Variants in PLA2G4E observed in about 807,000 individuals in gnomAD.
PLA2G4E encodes cytosolic phospholipase A2 epsilon.
In PLA2G4E, 84 loss-of-function variants were observed where a neutral mutation model predicts 109.1. That is an observed-to-expected ratio of 0.77 (90% CI 0.65 to 0.92). The LOEUF is 0.92. Among genes scored for constraint, PLA2G4E ranks in the 40% least tolerant of loss-of-function variants. The probability of loss-of-function intolerance (pLI) is 0.00; values close to 1 mark genes in which losing one functional copy is unlikely to be tolerated. For missense variants in PLA2G4E, 1,057 were observed against 1,076.6 expected (o/e 0.98, Z 0.25); for synonymous variants, 469 against 436.1 (o/e 1.08, Z -0.94).
intron 2 of PLA2G4E, among the ~76,000 whole-genome samples, chr15:42,010,666 T>C (rs56979911): frequency 0.014 from 2,112 of 152,310 alleles, 57 homozygotes; most frequent in African/African-American, 0.048. Flanking sequence ...ATCATCTCTA[T>C]AGATGTTCAG....
chr15:42,023,677 C>A (rs939533475), intron 1 of PLA2G4E, among the ~76,000 whole-genome samples: 2 of 152,046 alleles, frequency 1.3e-5, no homozygotes, highest in Admixed American at 1.3e-4. Context: ...CCCACTCCCC[C>A]ACCCTTCCCA....
At chr15:42,006,594 G>A (rs2068479546) in intron 3 of PLA2G4E, among the ~76,000 whole-genome samples, 1 of 152,140 alleles carries the variant, frequency 6.6e-6, no homozygotes, top group African/African-American at 2.4e-5. Flanking sequence ...AAGCTTGTAG[G>A]GGTTCTGATA....
intron 18 of PLA2G4E, among the ~76,000 whole-genome samples, chr15:41,985,391 CCCT>C (rs1218255650): frequency 6.6e-6 from 1 of 152,160 alleles, no homozygotes; most frequent in Non-Finnish European, 1.5e-5. Context: ...CTGACAAGTG[CCCT>C]CCTCTCTCGC....
rs2068101559 is a variant in PLA2G4E, at chr15:41,984,083, C to A, written c.2387-109G>T. On this transcript the variant is annotated intron_variant, in intron 19 of 19. Coordinates refer to ENST00000399518, the Ensembl canonical transcript of PLA2G4E. ...CAACCTGCACTCACGGACACACACA[C>A]CTGCATGAAAACCTGTACACACGCA... The A allele has an allele frequency of 7.1e-6, 7 of 988,586 alleles. No homozygotes were observed. The South Asian group carries it at 7.4e-5, about 11-fold the overall frequency. 61.2% of individuals were successfully genotyped at this position (988,586 alleles called of 1,614,324 possible).
At chr15:42,038,196 A>C (rs1422748793) in intron 1 of PLA2G4E, among the ~76,000 whole-genome samples, 1 of 152,338 alleles carries the variant, frequency 6.6e-6, no homozygotes, top group South Asian at 2.1e-4. Flanking sequence ...TGTAATATCT[A>C]AGGTATTGGT....
At chr15:42,015,349 C>T (rs1436358188) in intron 1 of PLA2G4E, among the ~76,000 whole-genome samples, 2 of 152,200 alleles carry the variant, frequency 1.3e-5, no homozygotes, top group Non-Finnish European at 2.9e-5. Context: ...GCAGCGCTCT[C>T]CCAGTGCCCC....
At chr15:42,039,447 G>T (rs1050952168) in intron 1 of PLA2G4E, among the ~76,000 whole-genome samples, 4 of 152,002 alleles carry the variant, frequency 2.6e-5, no homozygotes, top group Non-Finnish European at 5.9e-5. Flanking sequence ...TGTGATACTG[G>T]TATACTGATT....
chr15:41,983,551 A>C (rs1368383791), exon 20 of PLA2G4E: 1 of 593,896 alleles, frequency 1.7e-6, no homozygotes, highest in Non-Finnish European at 3.0e-6. Flanking sequence ...GTGGGTATAA[A>C]ACCCCAACAG....
Position 41,989,575 on chromosome 15 carries a change from G to T in PLA2G4E, c.1586-23C>A. The T allele has an allele frequency of 2.5e-6, 4 of 1,607,452 alleles. No individual in the cohort carries two copies. In the South Asian group the frequency reaches 4.4e-5, roughly 18 times the overall value. On this transcript the variant is annotated intron_variant, in intron 14 of 19. Coordinates refer to ENST00000399518, the Ensembl canonical transcript of PLA2G4E. ...ACTCTGCACATGAAGCAGCAGGACG[G>T]GGGTCAGTCTCAGGCCAGGGAGCCG...
rs1280728959 is a variant in PLA2G4E, at chr15:42,013,665, G to T, written c.256+20C>A. The T allele has an allele frequency of 2.6e-6, 4 of 1,544,074 alleles. No homozygotes were observed. The highest frequency in any genetic ancestry group is 2.6e-6 in the Non-Finnish European group (3 of 1,141,642). On this transcript the variant is annotated intron_variant, in intron 2 of 19. Coordinates refer to ENST00000399518, the Ensembl canonical transcript of PLA2G4E. Reference sequence around the variant, plus strand: ...CAGATCCGGTAAGCAGAGAAGGAGAGAAGTGAGGTGGATACTCACGCATAT... The same window carrying T: ...CAGATCCGGTAAGCAGAGAAGGAGATAAGTGAGGTGGATACTCACGCATAT...
At position 42,000,230 on chromosome 15, in the gene PLA2G4E, G is replaced by A. The variant is rs200518297; in HGVS notation, c.726C>T (p.Val242=). The A allele has an allele frequency of 4.4e-6, 7 of 1,583,088 alleles. No individual in the cohort carries two copies. The Middle Eastern group carries it at 6.6e-4, about 150-fold the overall frequency. The change falls in exon 8 of 20, where the codon GTC becomes GTT. Residue 242 remains valine, a synonymous_variant. Transcript: ENST00000399518. ...GGCAGCAGGGTTCCAAGCAGGGCCG[G>A]ACACGCTGGGTGTTCTCAAAGGATT...
chr15:42,019,332 G>A (rs1326476923), intron 1 of PLA2G4E, among the ~76,000 whole-genome samples: 1 of 152,220 alleles, frequency 6.6e-6, no homozygotes, highest in African/African-American at 2.4e-5. Flanking sequence ...ATTACCAAAG[G>A]GCTCCCAGGG....
intron 7 of PLA2G4E, among the ~76,000 whole-genome samples, chr15:42,000,840 C>T (rs16972420): frequency 0.013 from 1,956 of 152,286 alleles, 37 homozygotes; most frequent in African/African-American, 0.043. Context: ...TGCTGACCAC[C>T]TCACTGACCT....
chr15:41,988,244 AC>A, intron 15 of PLA2G4E, 88 bp from the exon 16 acceptor site: 2 of 633,736 alleles, frequency 3.2e-6, no homozygotes, highest in Non-Finnish European at 4.5e-6. Flanking sequence ...CCACCCCCCC[AC>A]CCCACGCAAG....
intron 1 of PLA2G4E, among the ~76,000 whole-genome samples, chr15:42,047,514 AATG>A (rs1489830262): frequency 6.6e-6 from 1 of 152,132 alleles, no homozygotes; most frequent in Non-Finnish European, 1.5e-5. Flanking sequence ...TCCCCTCCCA[AATG>A]TCCCACCTCT....
At chr15:41,990,049 T>C in intron 14 of PLA2G4E, 72 bp downstream of exon 14, 1 of 1,144,116 alleles carries the variant, frequency 8.7e-7, no homozygotes, top group East Asian at 2.4e-5. Context: ...GACCTGGAGG[T>C]GCTGGGTGCT....
At chr15:41,997,412 G>C in intron 10 of PLA2G4E, 153 bp from the exon 11 acceptor site, 1 of 824,232 alleles carries the variant, frequency 1.2e-6, no homozygotes, top group Non-Finnish European at 1.8e-6. Flanking sequence ...CTGTAAAGTG[G>C]GGCGAATCGT....
chr15:41,995,506 C>T lies in PLA2G4E; in HGVS notation c.1111-10G>A. The T allele has an allele frequency of 6.2e-7, 1 of 1,611,830 alleles. No individual in the cohort carries two copies. Among genetic ancestry groups the T allele is most frequent in the Non-Finnish European group, 8.5e-7 (1 of 1,178,188 alleles). ...TGGCTATCAGCGGCACCTGGGGTTA[C>T]ACAGAGGCAGGCGGTTGGGGAAGGC... On this transcript the variant is annotated splice_polypyrimidine_tract_variant and intron_variant, in intron 11 of 19. Coordinates refer to ENST00000399518, the Ensembl canonical transcript of PLA2G4E.
In PLA2G4E at chr15:41,985,726, G is replaced by A. The variant is rs574021701; in HGVS notation, c.2202+113C>T. ...GCTTGGCTTCCTCTGATGCTCTCTGGGGGCTGTCTAGAGCATGCCTCTTCC... is the reference window on the plus strand; with the variant it reads ...GCTTGGCTTCCTCTGATGCTCTCTGAGGGCTGTCTAGAGCATGCCTCTTCC... On this transcript the variant is annotated intron_variant, in intron 18 of 19. Coordinates refer to ENST00000399518, the Ensembl canonical transcript of PLA2G4E. The A allele has an allele frequency of 2.0e-4, 265 of 1,314,704 alleles. 1 individual carries two copies. Among genetic ancestry groups the A allele is most frequent in the Admixed American group, 5.9e-4 (28 of 47,296 alleles). 81.4% of individuals were successfully genotyped at this position (1,314,704 alleles called of 1,614,324 possible).
Sources: gnomAD v4.1 joint callset for allele counts (sites outside exome capture counted in the v4.1 genomes callset) on GRCh38, gnomAD v4.1.1 for gene constraint, MANE v1.5 for transcripts, NCBI Gene and HGNC (gene_info 2026-07-23, HGNC 2026-07-21) for gene names.